The following BEND5 variants were observed in gnomAD, a reference collection of about 807,000 sequenced individuals.
BEND5 encodes the protein BEN domain-containing protein 5.
A neutral mutation model predicts 43.9 loss-of-function variants in BEND5; 22 were observed. That is an observed-to-expected ratio of 0.50 (90% CI 0.36 to 0.72). The LOEUF (loss-of-function observed/expected upper bound fraction) is 0.72. BEND5 is among the 30% of genes least tolerant of loss of function. The pLI is 0.00. For missense variants in BEND5, 428 were observed against 550.6 expected (o/e 0.78, Z 2.23); for synonymous variants, 228 against 225.9 (o/e 1.01, Z -0.08).
At chr1:48,757,224 C>T (rs568090217) in intron 3 of BEND5, among the ~76,000 whole-genome samples, 3 of 152,278 alleles carry the variant, frequency 2.0e-5, no homozygotes, top group South Asian at 2.1e-4. Flanking sequence ...ACAAAGCACA[C>T]TGAAAATGCA....
chr1:48,744,033 C>T (rs921359167), intron 3 of BEND5, among the ~76,000 whole-genome samples: 1 of 152,176 alleles, frequency 6.6e-6, no homozygotes, highest in African/African-American at 2.4e-5. Context: ...TCAACTCATC[C>T]TGGTAGAGAT....
chr1:48,759,057 C>G lies in BEND5; in HGVS notation c.588G>C (p.Glu196Asp). 1.2e-6 allele frequency: 2 copies of G among 1,613,756 alleles called. No homozygotes were observed. Among genetic ancestry groups the G allele is most frequent in the Non-Finnish European group, 1.7e-6 (2 of 1,179,894 alleles). ...LLRNYQQQQE[E>D]MRHLQQELER... Reference sequence around the variant, plus strand: ...CCAGCTCCTGCTGGAGGTGGCGCATCTCTTCCTGTTGCTGCTGGTAGTTGC... The same window carrying G: ...CCAGCTCCTGCTGGAGGTGGCGCATGTCTTCCTGTTGCTGCTGGTAGTTGC... The change falls in exon 3 of 6, where the codon GAG becomes GAC. Residue 196 changes from glutamate (E) to aspartate (D), a missense_variant. Transcript: ENST00000371833.
In BEND5 at chr1:48,727,722, G is replaced by T. The variant is rs1385152; in HGVS notation, c.*164C>A. 0.83 allele frequency: 407,869 copies of T among 489,940 alleles called. 170,830 individuals carry two copies. The highest frequency in any genetic ancestry group is 0.92 in the Middle Eastern group (2,111 of 2,288). The allele number at this position is 489,940 out of a possible 1,614,324, so 30.3% of individuals were successfully genotyped here. On this transcript the variant is annotated 3_prime_UTR_variant, in exon 6 of 6. Coordinates refer to ENST00000371833, the MANE Select transcript of BEND5 (RefSeq NM_024603.4). ...CTGAGTCTCAGCAAAGCCATCTGTC[G>T]TCTTTGGAGTGTCCACATTCAGAAC... is the stretch of plus-strand genomic sequence containing the variant.
At chr1:48,753,695 A>C (rs1018259864) in intron 3 of BEND5, among the ~76,000 whole-genome samples, 1 of 152,194 alleles carries the variant, frequency 6.6e-6, no homozygotes, top group Non-Finnish European at 1.5e-5. Context: ...TTCTTTTTGC[A>C]TTCTCCTCTC....
At chr1:48,739,023 C>T (rs1455624661) in intron 4 of BEND5, among the ~76,000 whole-genome samples, 3 of 152,212 alleles carry the variant, frequency 2.0e-5, no homozygotes, top group Non-Finnish European at 2.9e-5. Context: ...CTTCTGCTCT[C>T]CCTGTCTTCC....
intron 5 of BEND5, 37 bp from the exon 6 acceptor site, chr1:48,728,080 G>A: frequency 1.3e-6 from 2 of 1,529,792 alleles, no homozygotes; most frequent in Non-Finnish European, 1.8e-6. Flanking sequence ...AGGATTAATG[G>A]TGAATTCAAG....
chr1:48,753,179 T>G (rs757973038), intron 3 of BEND5, among the ~76,000 whole-genome samples: 2 of 152,224 alleles, frequency 1.3e-5, no homozygotes, highest in Non-Finnish European at 2.9e-5. Context: ...GAGCTGGGGT[T>G]GAAAACCTCA....
At chr1:48,730,791 A>C (rs951843578) in intron 5 of BEND5, among the ~76,000 whole-genome samples, 3 of 152,244 alleles carry the variant, frequency 2.0e-5, no homozygotes, top group African/African-American at 7.2e-5. Flanking sequence ...GGTTTATAAC[A>C]GTGCTAATGT....
intron 1 of BEND5, among the ~76,000 whole-genome samples, chr1:48,768,052 G>A (rs542951308): frequency 6.6e-6 from 1 of 152,264 alleles, no homozygotes; most frequent in African/African-American, 2.4e-5. Context: ...ATAAATAGCA[G>A]AGCCAACATT....
chr1:48,732,187 A>C (rs751218856), intron 5 of BEND5, among the ~76,000 whole-genome samples: 16 of 152,330 alleles, frequency 1.1e-4, no homozygotes, highest in Admixed American at 8.5e-4. Flanking sequence ...TCACCAAGAC[A>C]GGGAACATAG....
intron 4 of BEND5, among the ~76,000 whole-genome samples, chr1:48,741,780 T>G (rs1649949707): frequency 6.6e-6 from 1 of 152,148 alleles, no homozygotes; most frequent in Admixed American, 6.5e-5. Flanking sequence ...CATGACGCGT[T>G]AAGGAGAACG....
chr1:48,734,498 T>A (rs1455965747), intron 5 of BEND5, among the ~76,000 whole-genome samples: 1 of 152,124 alleles, frequency 6.6e-6, no homozygotes, highest in Admixed American at 6.5e-5. Context: ...GCCCTTTGAC[T>A]CCAGCAAATC....
chr1:48,761,137 T>C, intron 2 of BEND5, 200 bp downstream of exon 2: 1 of 563,328 alleles, frequency 1.8e-6, no homozygotes, highest in East Asian at 3.1e-5. Context: ...TGGCACAGCA[T>C]GAATCAGGGC....
At chr1:48,737,674 C>T (rs1456731816) in intron 4 of BEND5, among the ~76,000 whole-genome samples, 2 of 152,122 alleles carry the variant, frequency 1.3e-5, no homozygotes, top group Non-Finnish European at 2.9e-5. Context: ...CAGAATGTTC[C>T]AGCAATAAGC....
At chr1:48,776,528 TCCGCCCGGGCCCCCGGCC>T (rs1023721871) in intron 1 of BEND5, 60 bp downstream of exon 1, 41 of 660,304 alleles carry the variant, frequency 6.2e-5, no homozygotes, top group Non-Finnish European at 8.8e-5. Context: ...CCCGGTCCCC[TCCGCCCGGGCCCCCGGCC>T]CCTCCCGGGG....
chr1:48,728,361 C>A (rs1647520779), intron 5 of BEND5, among the ~76,000 whole-genome samples: 1 of 151,552 alleles, frequency 6.6e-6, no homozygotes, highest in Non-Finnish European at 1.5e-5. Context: ...AACCATTCTC[C>A]TGAACTTTTG....
intron 1 of BEND5, among the ~76,000 whole-genome samples, chr1:48,762,656 G>GTATGTA (rs60322867): frequency 2.9e-5 from 4 of 138,636 alleles, no homozygotes; most frequent in Non-Finnish European, 4.7e-5. Context: ...GTGTGTGTGT[G>GTATGTA]TGTATGTATT....
intron 4 of BEND5, among the ~76,000 whole-genome samples, chr1:48,738,947 T>C (rs926497332): frequency 1.3e-5 from 2 of 152,230 alleles, no homozygotes; most frequent in African/African-American, 4.8e-5. Flanking sequence ...AGAGGGACTA[T>C]GTAACTTTTC....
At chr1:48,766,252 A>C (rs1185466224) in intron 1 of BEND5, among the ~76,000 whole-genome samples, 2 of 152,158 alleles carry the variant, frequency 1.3e-5, no homozygotes, top group African/African-American at 4.8e-5. Flanking sequence ...GCTCAAAGAA[A>C]CAAAACTCTC....
Sources: gnomAD v4.1 joint callset for allele counts (sites outside exome capture counted in the v4.1 genomes callset) on GRCh38, gnomAD v4.1.1 for gene constraint, MANE v1.5 for transcripts, NCBI Gene and HGNC (gene_info 2026-07-23, HGNC 2026-07-21) for gene names.